NHSL1: variants seen among roughly 807,000 people sequenced by gnomAD.
NHSL1 encodes NHS like 1, also known as NHS-like protein 1.
In NHSL1, 48 loss-of-function variants were observed where a neutral mutation model predicts 95.0. The observed-to-expected ratio is 0.51, with a 90% CI of 0.40 to 0.64. The LOEUF is 0.64. NHSL1 is among the 30% of genes least tolerant of loss of function. NHSL1 has a pLI of 0.00. For synonymous variants in NHSL1, 783 were observed against 833.9 expected, an observed-to-expected ratio of 0.94 and a Z score of 1.05; for missense variants, 1,971 against 2,077.7, an observed-to-expected ratio of 0.95 and a Z score of 1.00.
chr6:138,593,737 G>C (rs1166556283), intron 1 of NHSL1, among the ~76,000 whole-genome samples: 2 of 152,114 alleles, frequency 1.3e-5, no homozygotes, highest in Non-Finnish European at 2.9e-5. Context: ...TCTTCCTTTC[G>C]GGTCAAAGAT....
At chr6:138,635,950 T>TAAAAAA (rs930630887) in intron 1 of NHSL1, among the ~76,000 whole-genome samples, 144 of 94,356 alleles carry the variant, frequency 1.5e-3, no homozygotes, top group African/African-American at 5.4e-3. Flanking sequence ...CCGTCTCTAC[T>TAAAAAA]AAAAAAAAAA....
At chr6:138,665,394 G>T (rs926452143) in intron 1 of NHSL1, among the ~76,000 whole-genome samples, 1 of 152,078 alleles carries the variant, frequency 6.6e-6, no homozygotes, top group African/African-American at 2.4e-5. Context: ...CAAAATTGTC[G>T]GACAAAACCA....
chr6:138,688,115 C>A (rs1051011469), intron 1 of NHSL1, among the ~76,000 whole-genome samples: 4 of 152,044 alleles, frequency 2.6e-5, no homozygotes, highest in African/African-American at 9.7e-5. Context: ...CTATGCCCAG[C>A]TAATTTTTGT....
intron 3 of NHSL1, among the ~76,000 whole-genome samples, chr6:138,450,576 C>T (rs548032180): frequency 6.6e-6 from 1 of 152,182 alleles, no homozygotes; most frequent in Non-Finnish European, 1.5e-5. Flanking sequence ...TTCTAGTTGA[C>T]TGACACTGTC....
At chr6:138,670,931 GGATT>G (rs1785359783) in intron 1 of NHSL1, among the ~76,000 whole-genome samples, 1 of 152,044 alleles carries the variant, frequency 6.6e-6, no homozygotes. Flanking sequence ...TGAGGAGGAA[GGATT>G]GCTGAGGCCA....
intron 1 of NHSL1, among the ~76,000 whole-genome samples, chr6:138,519,186 C>G (rs1467683617): frequency 2.0e-5 from 3 of 151,486 alleles, no homozygotes; most frequent in Admixed American, 6.6e-5. Context: ...AAAAAAAAAG[C>G]CTTACCATGT....
At position 138,430,265 on chromosome 6, in the gene NHSL1, A is replaced by T; in HGVS notation, c.3952+128T>A. ...GTGTTTTAACACAGGAAGCCTACAT[A>T]CTGCTAGCTTTAACAGGAATCTGAT... is the stretch of plus-strand genomic sequence containing the variant. On this transcript the variant is annotated intron_variant, in intron 6 of 7. Transcript: ENST00000343505. This position sits in a 1 kb window ranked among gnomAD's most constrained non-coding sequence, Gnocchi z 4.7. 1.5e-6 allele frequency: 2 copies of T among 1,292,622 alleles called. No homozygotes were observed. Among genetic ancestry groups the T allele is most frequent in the Non-Finnish European group, 2.0e-6 (2 of 986,664 alleles). The allele number at this position is 1,292,622 out of a possible 1,614,324, so 80.1% of individuals were successfully genotyped here. A position where few individuals can be genotyped will look rare whatever the true frequency, so the allele number is the denominator to read the frequency against.
chr6:138,483,222 A>G (rs1779530466), intron 2 of NHSL1, among the ~76,000 whole-genome samples: 3 of 152,248 alleles, frequency 2.0e-5, no homozygotes, highest in African/African-American at 7.2e-5. Flanking sequence ...AAAGAGGGCA[A>G]TAGAATTTTG....
Position 138,683,942 on chromosome 6 carries a change from G to T in NHSL1, c.96+8534C>A, listed in dbSNP as rs974919908. On this transcript the variant is annotated intron_variant, in intron 1 of 3. Coordinates refer to the NHSL1 transcript ENST00000491526. Reference sequence around the variant, plus strand: ...ACCCCTGCAAAGCACTGGGCACAGTGGCTCATGCCTGTAATCCTAGCATTT... The same window carrying T: ...ACCCCTGCAAAGCACTGGGCACAGTTGCTCATGCCTGTAATCCTAGCATTT... Among the ~76,000 whole-genome samples the T allele has an allele frequency of 2.0e-5, 3 of 152,214 alleles. No individual in the cohort carries two copies. In the South Asian group the frequency reaches 6.2e-4, roughly 32 times the overall value.
chr6:138,518,279 T>C (rs1453528490), intron 1 of NHSL1, among the ~76,000 whole-genome samples: 1 of 152,124 alleles, frequency 6.6e-6, no homozygotes, highest in African/African-American at 2.4e-5. Context: ...CCCACAAGAA[T>C]TCACCCAGTA....
intron 1 of NHSL1, among the ~76,000 whole-genome samples, chr6:138,537,220 T>C (rs530187720): frequency 6.6e-6 from 1 of 152,272 alleles, no homozygotes; most frequent in Non-Finnish European, 1.5e-5. Flanking sequence ...TCAATTGCTG[T>C]GGCAGCAAAC....
At chr6:138,684,570 G>A (rs547047247) in intron 1 of NHSL1, among the ~76,000 whole-genome samples, 8 of 151,920 alleles carry the variant, frequency 5.3e-5, no homozygotes, top group East Asian at 3.9e-4. Context: ...ACTTGAACCC[G>A]GGAGGCAGAG....
intron 3 of NHSL1, among the ~76,000 whole-genome samples, chr6:138,447,564 A>G (rs1191967082): frequency 6.6e-6 from 1 of 152,184 alleles, no homozygotes; most frequent in Non-Finnish European, 1.5e-5. Context: ...ACTTGAGGTC[A>G]GGAGTTCAAG....
intron 1 of NHSL1, among the ~76,000 whole-genome samples, chr6:138,666,995 C>T (rs1055765503): frequency 2.0e-5 from 3 of 152,108 alleles, no homozygotes; most frequent in African/African-American, 4.8e-5. Flanking sequence ...CTGAATTAAA[C>T]ACATACTCTC....
chr6:138,681,639 A>C (rs1205688039), intron 1 of NHSL1, among the ~76,000 whole-genome samples: 4 of 152,232 alleles, frequency 2.6e-5, no homozygotes, highest in Non-Finnish European at 4.4e-5. Flanking sequence ...GTGCACCTCA[A>C]CAGCAGTTCT....
intron 1 of NHSL1, among the ~76,000 whole-genome samples, chr6:138,513,581 C>T (rs1781327112): frequency 6.6e-6 from 1 of 152,042 alleles, no homozygotes; most frequent in African/African-American, 2.4e-5. Context: ...GATATTTTGG[C>T]AATCAAATGA....
In NHSL1 at chr6:138,554,953, T is replaced by C. The variant is rs115860211; in HGVS notation, c.202+16757A>G. ...TCAGGACCCATAGGATTTACAACAA[T>C]AATGGTTTGAGGAAACCACAGCATT... On this transcript the variant is annotated intron_variant, in intron 1 of 6. Coordinates refer to the NHSL1 transcript ENST00000427025. 4.1e-3 allele frequency among the ~76,000 whole-genome samples: 623 copies of C among 152,322 alleles called. 5 individuals are homozygous for C. Among genetic ancestry groups the C allele is most frequent in the African/African-American group, 0.014 (589 of 41,576 alleles).
chr6:138,517,436 A>G (rs1001417778), intron 1 of NHSL1, among the ~76,000 whole-genome samples: 2 of 152,164 alleles, frequency 1.3e-5, no homozygotes, highest in African/African-American at 2.4e-5. Context: ...GTTTTCCCCA[A>G]TTTTAGTTAT....
intron 1 of NHSL1, among the ~76,000 whole-genome samples, chr6:138,534,531 G>A (rs924528418): frequency 2.6e-5 from 4 of 152,096 alleles, no homozygotes; most frequent in Non-Finnish European, 5.9e-5. Context: ...ATCAACCTCA[G>A]CACAACAGAT....
Sources: allele counts gnomAD v4.1 joint callset (sites outside exome capture counted in the v4.1 genomes callset), GRCh38; gene constraint gnomAD v4.1.1; non-coding constraint Gnocchi (gnomAD v3.1); transcripts MANE v1.5; gene names NCBI Gene and HGNC (gene_info 2026-07-23, HGNC 2026-07-21).